SPOCK3: variants seen among roughly 807,000 people sequenced by gnomAD.
SPOCK3 encodes the protein SPARC (osteonectin), cwcv and kazal like domains proteoglycan 3.
In SPOCK3, 30 loss-of-function variants were observed where a neutral mutation model predicts 56.6. That is an observed-to-expected ratio of 0.53 (90% CI 0.40 to 0.72). SPOCK3 has a LOEUF of 0.72. SPOCK3 is among the 30% of genes least tolerant of loss of function. The probability of loss-of-function intolerance (pLI) is 0.00; values close to 1 mark genes in which losing one functional copy is unlikely to be tolerated. For missense variants in SPOCK3, 527 were observed against 530.0 expected, an observed-to-expected ratio of 0.99 and a Z score of 0.06; for synonymous variants, 196 against 183.3, an observed-to-expected ratio of 1.07 and a Z score of -0.56.
At chr4:166,885,908 G>A (rs1734145535) in intron 6 of SPOCK3, among the ~76,000 whole-genome samples, 2 of 152,048 alleles carry the variant, frequency 1.3e-5, no homozygotes, top group Non-Finnish European at 2.9e-5. Flanking sequence ...GTAAACCAAT[G>A]GAGCACTTTA....
Position 167,050,122 on chromosome 4 carries a change from C to T in SPOCK3, c.235+12370G>A, listed in dbSNP as rs533507529. Reference sequence around the variant, plus strand: ...TTTCTTTGGGGGTTTTCTTGCTTCCCACAATTTATTCTCAAAGCCCTTTGG... The same window carrying T: ...TTTCTTTGGGGGTTTTCTTGCTTCCTACAATTTATTCTCAAAGCCCTTTGG... On this transcript the variant is annotated intron_variant, in intron 3 of 10. Transcript: ENST00000357545. Among the ~76,000 whole-genome samples, 3 of 152,194 alleles carry T rather than the reference C, an allele frequency of 2.0e-5. No individual in the cohort carries two copies. The East Asian group carries it at 5.8e-4, about 29-fold the overall frequency.
chr4:166,765,574 G>A (rs1405852372), intron 7 of SPOCK3, among the ~76,000 whole-genome samples: 1 of 152,220 alleles, frequency 6.6e-6, no homozygotes, highest in Non-Finnish European at 1.5e-5. Flanking sequence ...GTACCATGCT[G>A]TTTTGGTTAC....
At chr4:166,970,591 G>T (rs2150073166) in intron 4 of SPOCK3, among the ~76,000 whole-genome samples, 1 of 152,212 alleles carries the variant, frequency 6.6e-6, no homozygotes, top group Admixed American at 6.5e-5. Context: ...AGGCGAGGTA[G>T]GTGTTGCCTG....
At chr4:166,812,114 A>G (rs574872117) in intron 6 of SPOCK3, among the ~76,000 whole-genome samples, 2 of 151,948 alleles carry the variant, frequency 1.3e-5, no homozygotes, top group South Asian at 4.1e-4. Flanking sequence ...TCCTGTATTA[A>G]TCATTTTTCT....
At chr4:166,952,059 C>A (rs1164223332) in intron 4 of SPOCK3, among the ~76,000 whole-genome samples, 3 of 152,174 alleles carry the variant, frequency 2.0e-5, no homozygotes, top group African/African-American at 7.2e-5. Context: ...TCCTATTCAA[C>A]ATAGTGTTGG....
intron 3 of SPOCK3, among the ~76,000 whole-genome samples, chr4:167,053,269 A>G (rs1218021788): frequency 6.6e-6 from 1 of 152,082 alleles, no homozygotes; most frequent in Non-Finnish European, 1.5e-5. Flanking sequence ...TTCTTGCCAG[A>G]ATGCTTCCTC....
chr4:167,150,426 G>A (rs915645947), intron 2 of SPOCK3, among the ~76,000 whole-genome samples: 1 of 152,002 alleles, frequency 6.6e-6, no homozygotes, highest in Non-Finnish European at 1.5e-5. Flanking sequence ...GAAATCTTAC[G>A]TACAACCAGG....
chr4:167,003,157 C>G (rs189908742), intron 3 of SPOCK3, among the ~76,000 whole-genome samples: 1 of 151,504 alleles, frequency 6.6e-6, no homozygotes, highest in Admixed American at 6.6e-5. Flanking sequence ...CATGTATGCT[C>G]AAGAAAATGG....
chr4:167,133,003 T>C (rs1762826136), intron 2 of SPOCK3, among the ~76,000 whole-genome samples: 1 of 152,220 alleles, frequency 6.6e-6, no homozygotes, highest in Admixed American at 6.5e-5. Flanking sequence ...TTCAATCCAC[T>C]GCAGAGACTA....
intron 2 of SPOCK3, among the ~76,000 whole-genome samples, chr4:167,187,888 A>G (rs955173658): frequency 6.6e-6 from 1 of 152,118 alleles, no homozygotes; most frequent in African/African-American, 2.4e-5. Context: ...ATAATGTACA[A>G]ATATGAAGTG....
intron 10 of SPOCK3, among the ~76,000 whole-genome samples, chr4:166,736,234 G>A (rs1471940190): frequency 3.9e-5 from 6 of 152,004 alleles, no homozygotes; most frequent in African/African-American, 9.7e-5. Flanking sequence ...AGATGTCCAC[G>A]TTCCAAAAGC....
At chr4:166,857,794 C>G (rs946144699) in intron 6 of SPOCK3, among the ~76,000 whole-genome samples, 23 of 152,330 alleles carry the variant, frequency 1.5e-4, no homozygotes, top group African/African-American at 5.5e-4. Context: ...AGGCTAACCA[C>G]AGTCCTTCAG....
chr4:166,962,486 TATTC>T (rs999680982), intron 4 of SPOCK3, among the ~76,000 whole-genome samples: 1 of 152,160 alleles, frequency 6.6e-6, no homozygotes, highest in Non-Finnish European at 1.5e-5. Context: ...TGTATCGTGA[TATTC>T]AGCAGCATTA....
intron 4 of SPOCK3, among the ~76,000 whole-genome samples, chr4:166,924,180 T>C (rs113710240): frequency 6.6e-6 from 1 of 152,192 alleles, no homozygotes; most frequent in Admixed American, 6.5e-5. Flanking sequence ...TTTTCCTCAA[T>C]GTTATTTTAT....
intron 4 of SPOCK3, among the ~76,000 whole-genome samples, chr4:166,975,817 C>T (rs75355480): frequency 3.3e-5 from 5 of 152,172 alleles, no homozygotes; most frequent in Non-Finnish European, 5.9e-5. Flanking sequence ...TCTTCCAGTA[C>T]CATCCATGTT....
intron 4 of SPOCK3, among the ~76,000 whole-genome samples, chr4:166,954,906 T>C (rs1374245805): frequency 1.3e-5 from 2 of 152,182 alleles, no homozygotes; most frequent in African/African-American, 4.8e-5. Context: ...ATTACGTCAT[T>C]CAACATGTGG....
At chr4:166,832,558 A>G (rs947667905) in intron 6 of SPOCK3, among the ~76,000 whole-genome samples, 3 of 152,182 alleles carry the variant, frequency 2.0e-5, no homozygotes, top group African/African-American at 7.2e-5. Flanking sequence ...TAACCCCATT[A>G]GTGGTATATA....
intron 2 of SPOCK3, among the ~76,000 whole-genome samples, chr4:167,135,344 C>T (rs140688142): frequency 1.4e-4 from 21 of 152,134 alleles, no homozygotes; most frequent in Non-Finnish European, 2.2e-4. Context: ...ATTTTTAAAA[C>T]GTAGCACACA....
chr4:166,960,882 C>T (rs531607219), intron 4 of SPOCK3, among the ~76,000 whole-genome samples: 28 of 152,132 alleles, frequency 1.8e-4, no homozygotes, highest in Non-Finnish European at 3.5e-4. Flanking sequence ...AAGTGGGATA[C>T]GATGTTTTAG....
Sources: allele counts gnomAD v4.1 joint callset (sites outside exome capture counted in the v4.1 genomes callset), GRCh38; gene constraint gnomAD v4.1.1; transcripts MANE v1.5; gene names NCBI Gene and HGNC (gene_info 2026-07-23, HGNC 2026-07-21).